Variants in KCNH1 observed in about 807,000 individuals in gnomAD.
KCNH1 encodes voltage-gated delayed rectifier potassium channel KCNH1.
KCNH1 carries 27 observed loss-of-function variants against 69.2 expected under a neutral mutation model. The ratio of observed to expected loss-of-function variants is 0.39; its 90% confidence interval spans 0.29 to 0.54. The LOEUF (loss-of-function observed/expected upper bound fraction) is 0.54, where lower values mean the gene tolerates loss of function less well. Ranked by LOEUF, KCNH1 falls within the 20% of genes least tolerant of loss-of-function variation. KCNH1 has a pLI of 0.68. For missense variants in KCNH1, 798 were observed against 1,261.6 expected (o/e 0.63, Z 5.57); for synonymous variants, 456 against 487.7 (o/e 0.93, Z 0.86).
chr1:211,116,585 C>A (rs12029450), intron 1 of KCNH1, among the ~76,000 whole-genome samples: 4,998 of 152,230 alleles, frequency 0.033, 154 homozygotes, highest in Admixed American at 0.077. Context: ...TTTTCATCCC[C>A]ATCACTTTTA....
chr1:210,826,552 G>A (rs1685035289), intron 7 of KCNH1, among the ~76,000 whole-genome samples: 1 of 152,158 alleles, frequency 6.6e-6, no homozygotes, highest in Admixed American at 6.5e-5. Context: ...TTCATGTAAA[G>A]GAGAACTTTA....
rs4146994 is a variant in KCNH1, at chr1:211,014,230, A to G, written c.1032+4553T>C. Among the ~76,000 whole-genome samples the G allele has an allele frequency of 1.0e-3, 159 of 152,306 alleles. 3 individuals are homozygous for G. In the East Asian group the frequency reaches 0.028, roughly 26 times the overall value. ...GGAGAGTGAATCTGTTTTGTCAGTA[A>G]TAATTCAATCTTTAACACACGAAGC... On this transcript the variant is annotated intron_variant, in intron 6 of 10. Coordinates refer to ENST00000271751, the MANE Select transcript of KCNH1 (RefSeq NM_172362.3).
At chr1:210,974,105 C>T (rs1688558768) in intron 6 of KCNH1, among the ~76,000 whole-genome samples, 1 of 152,054 alleles carries the variant, frequency 6.6e-6, no homozygotes, top group Admixed American at 6.6e-5. Flanking sequence ...TCTCTCTCAC[C>T]CTTCTTAATG....
intron 5 of KCNH1, among the ~76,000 whole-genome samples, chr1:211,033,977 T>C (rs961707131): frequency 6.6e-6 from 1 of 152,104 alleles, no homozygotes; most frequent in African/African-American, 2.4e-5. Flanking sequence ...ATCATTCATA[T>C]ATTCTTAGTA....
intron 9 of KCNH1, among the ~76,000 whole-genome samples, chr1:210,787,989 A>G (rs1684135357): frequency 6.6e-6 from 1 of 152,176 alleles, no homozygotes; most frequent in African/African-American, 2.4e-5. Flanking sequence ...CTTCATGACA[A>G]TTCTCCTTCT....
At chr1:210,849,594 G>A (rs1019754921) in intron 7 of KCNH1, among the ~76,000 whole-genome samples, 13 of 151,968 alleles carry the variant, frequency 8.6e-5, no homozygotes, top group African/African-American at 2.7e-4. Context: ...TCAAATTCCC[G>A]ACCTCAGGTG....
rs1380292158 is a variant in KCNH1 at position 211,018,840 on chromosome 1, TG to T, written c.974del (p.Pro325GlnfsTer29). 1 of 1,613,924 alleles carries T rather than the reference TG, an allele frequency of 6.2e-7. No homozygotes were observed. The highest frequency in any genetic ancestry group is 1.1e-5 in the South Asian group (1 of 91,050). On this transcript the variant is annotated frameshift_variant, in exon 6 of 11. Coordinates refer to ENST00000271751, the MANE Select transcript of KCNH1 (RefSeq NM_172362.3). LOFTEE classifies it high-confidence loss of function. The stretch of plus-strand genomic sequence containing the variant: ...TCTGATCAGCAAAACCAATCTTCCC[TG>T]GATCACCCATAAAGGCACTAACCTC... ...VDEVSAFMGD[P>X]GKIGFADQIP...
chr1:210,799,335 T>A (rs1684384940), intron 8 of KCNH1, among the ~76,000 whole-genome samples: 1 of 152,122 alleles, frequency 6.6e-6, no homozygotes, highest in Non-Finnish European at 1.5e-5. Flanking sequence ...TAGCTTGACA[T>A]TAGAGCCTGG....
chr1:210,817,248 A>T (rs1316188652), intron 7 of KCNH1, among the ~76,000 whole-genome samples: 1 of 152,162 alleles, frequency 6.6e-6, no homozygotes, highest in Admixed American at 6.5e-5. Flanking sequence ...AAAACTATTC[A>T]TTTTGTATAA....
chr1:210,729,882 T>C (rs1682702125), intron 10 of KCNH1, among the ~76,000 whole-genome samples: 1 of 152,224 alleles, frequency 6.6e-6, no homozygotes, highest in Non-Finnish European at 1.5e-5. Context: ...GCTTTTGCCA[T>C]ATCAGCTTGC....
At chr1:211,043,678 G>T (rs1690043569) in intron 5 of KCNH1, among the ~76,000 whole-genome samples, 1 of 152,082 alleles carries the variant, frequency 6.6e-6, no homozygotes, top group South Asian at 2.1e-4. Context: ...GAACATATAT[G>T]CAAAACTCCT....
chr1:210,877,315 C>T (rs1330433039), intron 7 of KCNH1, among the ~76,000 whole-genome samples: 6 of 152,042 alleles, frequency 3.9e-5, no homozygotes, highest in African/African-American at 7.2e-5. Flanking sequence ...CACTGACTGC[C>T]GTCTCACAGA....
At chr1:210,707,600 G>T (rs182370401) in intron 10 of KCNH1, among the ~76,000 whole-genome samples, 2 of 152,114 alleles carry the variant, frequency 1.3e-5, no homozygotes, top group African/African-American at 2.4e-5. Flanking sequence ...CCAGGAAGCC[G>T]GCTGGCCACA....
chr1:210,787,691 G>A (rs1684130381), intron 9 of KCNH1, among the ~76,000 whole-genome samples: 1 of 152,170 alleles, frequency 6.6e-6, no homozygotes, highest in Admixed American at 6.5e-5. Context: ...CCTCACTCAA[G>A]AAGAAGGAAT....
At chr1:210,820,997 G>A (rs1418973) in intron 7 of KCNH1, among the ~76,000 whole-genome samples, 102,117 of 152,110 alleles carry the variant, frequency 0.67, 34,477 homozygotes, top group East Asian at 0.78. Context: ...CACCAAGTTC[G>A]TGTTAATCTA....
chr1:211,031,959 G>C (rs965552262), intron 5 of KCNH1, among the ~76,000 whole-genome samples: 3 of 151,420 alleles, frequency 2.0e-5, no homozygotes, highest in Non-Finnish European at 4.4e-5. Context: ...TAGGAAAAGA[G>C]GAAGTCAAAT....
chr1:210,935,732 C>T (rs554150883), intron 6 of KCNH1, among the ~76,000 whole-genome samples: 33 of 152,276 alleles, frequency 2.2e-4, no homozygotes, highest in African/African-American at 7.2e-4. Context: ...TCAAGAATTT[C>T]AAGTTGGATC....
chr1:210,803,151 A>G (rs1684462891), intron 8 of KCNH1, among the ~76,000 whole-genome samples: 1 of 152,116 alleles, frequency 6.6e-6, no homozygotes, highest in Non-Finnish European at 1.5e-5. Flanking sequence ...CACCAAGGCT[A>G]GAGTGCAGTG....
intron 7 of KCNH1, among the ~76,000 whole-genome samples, chr1:210,882,277 T>C (rs1026786295): frequency 3.3e-5 from 5 of 152,144 alleles, no homozygotes; most frequent in African/African-American, 1.2e-4. Context: ...CGTGTAGTCA[T>C]GGGTACAGAC....
Sources: allele counts gnomAD v4.1 joint callset (sites outside exome capture counted in the v4.1 genomes callset), GRCh38; gene constraint gnomAD v4.1.1; transcripts MANE v1.5; gene names NCBI Gene and HGNC (gene_info 2026-07-23, HGNC 2026-07-21).